MAD1L1: variants seen among roughly 807,000 people sequenced by gnomAD.
The protein encoded by MAD1L1 is mitotic spindle assembly checkpoint protein MAD1.
MAD1L1 carries 95 observed loss-of-function variants against 96.9 expected under a neutral mutation model. That is an observed-to-expected ratio of 0.98 (90% CI 0.83 to 1.16). The LOEUF is 1.16. MAD1L1 is among the 50% of genes most tolerant of loss of function. The probability of loss-of-function intolerance (pLI) is 0.00; values close to 1 mark genes in which losing one functional copy is unlikely to be tolerated. For missense variants in MAD1L1, 1,007 were observed against 954.4 expected (o/e 1.06, Z -0.73); for synonymous variants, 473 against 396.6 (o/e 1.19, Z -2.29).
intron 18 of MAD1L1, among the ~76,000 whole-genome samples, chr7:1,876,560 G>C (rs530061454): frequency 9.9e-5 from 15 of 152,082 alleles, no homozygotes; most frequent in Non-Finnish European, 2.2e-4. Context: ...AATAATCCAG[G>C]AAGGGGGAAG....
chr7:1,841,771 C>T (rs1783275464), intron 18 of MAD1L1, among the ~76,000 whole-genome samples: 1 of 152,220 alleles, frequency 6.6e-6, no homozygotes, highest in Admixed American at 6.5e-5. Flanking sequence ...GCTGTGAGCT[C>T]AGCCTCAGTG....
chr7:2,079,126 C>G (rs1323533480), intron 11 of MAD1L1, among the ~76,000 whole-genome samples: 2 of 152,230 alleles, frequency 1.3e-5, no homozygotes, highest in Non-Finnish European at 2.9e-5. Flanking sequence ...AGCCCCCACA[C>G]CGTCATGAGG....
intron 10 of MAD1L1, among the ~76,000 whole-genome samples, chr7:2,162,001 T>TG (rs1790168660): frequency 2.1e-5 from 3 of 142,328 alleles, no homozygotes; most frequent in South Asian, 2.3e-4. Flanking sequence ...ATCCGGGAGG[T>TG]GGGGGGCGGC....
At chr7:1,874,781 C>G (rs1785292067) in intron 18 of MAD1L1, among the ~76,000 whole-genome samples, 1 of 151,790 alleles carries the variant, frequency 6.6e-6, no homozygotes. Flanking sequence ...CTGGAGGGCT[C>G]CAGGAGAGAG....
intron 10 of MAD1L1, among the ~76,000 whole-genome samples, chr7:2,194,767 C>G (rs547336872): frequency 6.6e-6 from 1 of 152,104 alleles, no homozygotes; most frequent in Non-Finnish European, 1.5e-5. Flanking sequence ...AGAGAAAGTA[C>G]CTTTTCTATT....
At chr7:2,139,476 C>A (rs1181360850) in intron 11 of MAD1L1, among the ~76,000 whole-genome samples, 1 of 152,242 alleles carries the variant, frequency 6.6e-6, no homozygotes, top group Non-Finnish European at 1.5e-5. Context: ...CTGTGTCCTG[C>A]CTCTGGTCTC....
rs754019446 is a variant in MAD1L1, at chr7:1,816,099, C to G, written c.2128G>C (p.Glu710Gln). The change falls in exon 19 of 19, where the codon GAG (glutamate) becomes CAG (glutamine). Residue 710 changes from glutamate (E) to glutamine (Q), a missense_variant. By Grantham distance (29) the Glu-to-Gln change is conservative (BLOSUM62 2). Transcript: ENST00000265854. ...IPAFLSSLTL[E>Q]LFSRQTVA ...GCCACGGTCTGGCGGCTGAAGAGCT[C>G]GAGGGTGAGCGAGCTGAGGAAGGCA... The G allele has an allele frequency of 2.5e-6, 4 of 1,612,070 alleles. No individual in the cohort carries two copies. Among genetic ancestry groups the G allele is most frequent in the Non-Finnish European group, 8.5e-7 (1 of 1,179,616 alleles).
intron 6 of MAD1L1, 26 bp from the exon 7 acceptor site, chr7:2,218,069 A>G: frequency 1.3e-6 from 2 of 1,573,072 alleles, no homozygotes; most frequent in Non-Finnish European, 1.8e-6. Flanking sequence ...TACATCACAC[A>G]CAGAAACAGG....
At chr7:1,904,736 G>T (rs1787512880) in intron 17 of MAD1L1, among the ~76,000 whole-genome samples, 1 of 126,820 alleles carries the variant, frequency 7.9e-6, no homozygotes, top group Non-Finnish European at 1.6e-5. Context: ...ACTCATGATT[G>T]ATCAATCACT....
At chr7:1,917,403 G>C (rs2128454232) in intron 17 of MAD1L1, among the ~76,000 whole-genome samples, 1 of 152,300 alleles carries the variant, frequency 6.6e-6, no homozygotes, top group Non-Finnish European at 1.5e-5. Context: ...GACAGGGCTG[G>C]GTGCCCACCC....
In MAD1L1 at chr7:2,149,177, C is replaced by A; in HGVS notation, c.1048G>T (p.Asp350Tyr). The A allele has an allele frequency of 6.2e-7, 1 of 1,614,112 alleles. No homozygotes were observed. Among genetic ancestry groups the A allele is most frequent in the Non-Finnish European group, 8.5e-7 (1 of 1,180,026 alleles). ...CTGCTGGTGACGGCGCTGTTCTTGT[C>A]CTTCAAGGCAAGCTCCCTCTGCTGC... is the stretch of plus-strand genomic sequence containing the variant. ...ELQQRELALK[D>Y]KNSAVTSSAR... is the part of the protein sequence containing the mutation. The change falls in exon 11 of 19, where the codon GAC (aspartate) becomes TAC (tyrosine). Residue 350 changes from aspartate (D) to tyrosine (Y), a missense_variant. Coordinates refer to ENST00000265854, the MANE Select transcript of MAD1L1 (RefSeq NM_001013836.2).
intron 17 of MAD1L1, among the ~76,000 whole-genome samples, chr7:1,923,457 T>TGGCACCCC (rs1390007849): frequency 2.1e-5 from 2 of 97,348 alleles, no homozygotes; most frequent in African/African-American, 6.1e-5. Context: ...CCCGGCACCC[T>TGGCACCCC]GGCACCCCCG....
intron 10 of MAD1L1, among the ~76,000 whole-genome samples, chr7:2,161,573 G>GT (rs1196637082): frequency 2.0e-4 from 31 of 151,948 alleles, no homozygotes; most frequent in African/African-American, 7.0e-4. Context: ...CCCATCGTGT[G>GT]GGATGTGAGG....
intron 15 of MAD1L1, among the ~76,000 whole-genome samples, chr7:1,966,027 G>A (rs556782008): frequency 1.3e-5 from 2 of 152,360 alleles, no homozygotes; most frequent in African/African-American, 4.8e-5. Context: ...TGAGAGCTGA[G>A]GGCGTCCCTG....
At chr7:1,953,960 T>C (rs1190518017) in intron 16 of MAD1L1, among the ~76,000 whole-genome samples, 1 of 152,130 alleles carries the variant, frequency 6.6e-6, no homozygotes, top group Non-Finnish European at 1.5e-5. Context: ...TCCTGCCCAG[T>C]GCGGCCTCCA....
At chr7:1,940,417 G>T (rs954220150) in intron 16 of MAD1L1, 1 of 152,258 alleles carries the variant, frequency 6.6e-6, no homozygotes, top group Non-Finnish European at 1.5e-5. Flanking sequence ...CACAGCCGGG[G>T]TTAAGATAAC....
intron 18 of MAD1L1, among the ~76,000 whole-genome samples, chr7:1,840,638 A>C (rs1268789265): frequency 2.6e-5 from 4 of 152,252 alleles, no homozygotes; most frequent in Non-Finnish European, 5.9e-5. Flanking sequence ...CTGAGGCAGG[A>C]GAATCGCTTG....
rs150595404 is a variant in MAD1L1 at position 2,189,756 on chromosome 7, C to G, written c.986+23456G>C. On this transcript the variant is annotated intron_variant, in intron 10 of 18. Transcript: ENST00000265854. Reference sequence around the variant, plus strand: ...AGCAATATGAATGTTCTTAAAGCTACTGAACTGTACACTTAAAAACAGTTA... The same window carrying G: ...AGCAATATGAATGTTCTTAAAGCTAGTGAACTGTACACTTAAAAACAGTTA... Among the ~76,000 whole-genome samples, 44 of 152,322 alleles carry G rather than the reference C, an allele frequency of 2.9e-4. No homozygotes were observed. The East Asian group carries it at 8.3e-3, about 29-fold the overall frequency.
intron 12 of MAD1L1, among the ~76,000 whole-genome samples, chr7:2,068,972 C>T (rs1462349984): frequency 6.6e-6 from 1 of 152,198 alleles, no homozygotes; most frequent in Non-Finnish European, 1.5e-5. Flanking sequence ...GCTGGAGGAA[C>T]TGAAAAGGGT....
Sources: allele counts gnomAD v4.1 joint callset (sites outside exome capture counted in the v4.1 genomes callset), GRCh38; gene constraint gnomAD v4.1.1; transcripts MANE v1.5; gene names NCBI Gene and HGNC (gene_info 2026-07-23, HGNC 2026-07-21).